The following ASAP2 variants were observed in gnomAD, a reference collection of about 807,000 sequenced individuals.
The protein encoded by ASAP2 is arf-GAP with SH3 domain, ANK repeat and PH domain-containing protein 2.
A neutral mutation model predicts 131.4 loss-of-function variants in ASAP2; 45 were observed. That is an observed-to-expected ratio of 0.34 (90% confidence interval 0.27 to 0.44). The LOEUF (loss-of-function observed/expected upper bound fraction) is 0.44, where lower values mean the gene tolerates loss of function less well. ASAP2 is among the 20% of genes least tolerant of loss of function. ASAP2 has a pLI of 1.00. For missense variants in ASAP2, 1,011 were observed against 1,297.0 expected (o/e 0.78, Z 3.39); for synonymous variants, 510 against 503.0 (o/e 1.01, Z -0.19).
intron 1 of ASAP2, among the ~76,000 whole-genome samples, chr2:9,239,849 C>T (rs903135825): frequency 6.6e-6 from 1 of 152,070 alleles, no homozygotes; most frequent in African/African-American, 2.4e-5. Flanking sequence ...ACCTCAGCCT[C>T]TTGAGTAGCT....
intron 1 of ASAP2, among the ~76,000 whole-genome samples, chr2:9,258,332 G>GTTTTTTTTTTT (rs769009726): frequency 1.8e-5 from 2 of 112,546 alleles, no homozygotes; most frequent in Admixed American, 1.7e-4. Flanking sequence ...GTAATCAGTA[G>GTTTTTTTTTTT]TTGTTTTTTT....
At chr2:9,347,954 T>G (rs948610349) in intron 11 of ASAP2, among the ~76,000 whole-genome samples, 1 of 152,232 alleles carries the variant, frequency 6.6e-6, no homozygotes, top group East Asian at 1.9e-4. Flanking sequence ...AATCTCTGCC[T>G]GCATGGCAAA....
At chr2:9,297,180 G>A (rs779703048) in intron 2 of ASAP2, 120 bp from the exon 3 acceptor site, 51 of 1,273,862 alleles carry the variant, frequency 4.0e-5, no homozygotes, top group Non-Finnish European at 4.7e-5. Context: ...GGTGCAGCTT[G>A]ACTTTTCTCA....
intron 1 of ASAP2, among the ~76,000 whole-genome samples, chr2:9,216,615 C>T (rs928063392): frequency 1.3e-5 from 2 of 151,954 alleles, no homozygotes; most frequent in African/African-American, 4.8e-5. Context: ...TGCCAACCAC[C>T]ACACCCAGCT....
At chr2:9,357,554 G>C (rs1034165209) in intron 14 of ASAP2, among the ~76,000 whole-genome samples, 2 of 152,124 alleles carry the variant, frequency 1.3e-5, no homozygotes, top group Non-Finnish European at 1.5e-5. Context: ...GTGAATCATG[G>C]TCTTTCTTGA....
At chr2:9,381,535 G>A (rs1488881447) in intron 20 of ASAP2, among the ~76,000 whole-genome samples, 4 of 152,202 alleles carry the variant, frequency 2.6e-5, no homozygotes, top group Admixed American at 6.5e-5. Flanking sequence ...CCAGGAATTC[G>A]AGATCAGCCT....
rs562245733 is a variant in ASAP2 at position 9,349,446 on chromosome 2, T to G, written c.1024-1362T>G. Among the ~76,000 whole-genome samples, 18 of 152,352 alleles carry G rather than the reference T, an allele frequency of 1.2e-4. 1 individual carries two copies. The South Asian group carries it at 2.9e-3, about 25-fold the overall frequency. On this transcript the variant is annotated intron_variant, in intron 11 of 27. Transcript: ENST00000281419. Reference sequence around the variant, plus strand: ...TCTAGAAATAGATCATTTGCTGTATTGGTTCCTGGATAAGTTAGGTAATCC... The same window carrying G: ...TCTAGAAATAGATCATTTGCTGTATGGGTTCCTGGATAAGTTAGGTAATCC...
At chr2:9,352,723 T>A (rs1426684476) in intron 12 of ASAP2, among the ~76,000 whole-genome samples, 3 of 152,214 alleles carry the variant, frequency 2.0e-5, no homozygotes, top group Non-Finnish European at 4.4e-5. Context: ...ACACACAAGC[T>A]CTGTGGCCAA....
At position 9,264,830 on chromosome 2, in the gene ASAP2, T is replaced by G. The variant is rs968357641; in HGVS notation, c.127-14487T>G. Among the ~76,000 whole-genome samples the G allele has an allele frequency of 5.3e-5, 8 of 152,142 alleles. No individual in the cohort carries two copies. The East Asian group carries it at 9.6e-4, about 18-fold the overall frequency. ...AGAAAAAATATCCAATAAAAACTAA[T>G]ACAGCAATTTAAAAAATACAAATTT... On this transcript the variant is annotated intron_variant, in intron 1 of 27. Transcript: ENST00000281419.
chr2:9,266,251 ATCCTCCTGCT>A (rs1300424471), intron 1 of ASAP2, among the ~76,000 whole-genome samples: 28 of 149,492 alleles, frequency 1.9e-4, no homozygotes, highest in Non-Finnish European at 3.2e-4. Context: ...GACTCAAGTG[ATCCTCCTGCT>A]TCAGCCTCAC....
intron 1 of ASAP2, among the ~76,000 whole-genome samples, chr2:9,266,284 C>T (rs762430699): frequency 6.6e-6 from 1 of 151,706 alleles, no homozygotes; most frequent in Non-Finnish European, 1.5e-5. Flanking sequence ...GTAACTGGGA[C>T]CACAGGCACC....
intron 26 of ASAP2, 112 bp from the exon 27 acceptor site, chr2:9,401,162 T>G: frequency 7.1e-7 from 1 of 1,399,342 alleles, no homozygotes; most frequent in Non-Finnish European, 9.8e-7. Flanking sequence ...TGCAGGCTTC[T>G]CAGGCCTAGG....
chr2:9,212,112 G>A (rs1004236114), intron 1 of ASAP2, among the ~76,000 whole-genome samples: 31 of 152,144 alleles, frequency 2.0e-4, no homozygotes, highest in African/African-American at 6.3e-4. Context: ...CACTCCTCAC[G>A]GGTTCCAGGT....
intron 1 of ASAP2, among the ~76,000 whole-genome samples, chr2:9,208,222 A>G (rs920595100): frequency 6.6e-6 from 1 of 152,104 alleles, no homozygotes; most frequent in Non-Finnish European, 1.5e-5. Context: ...TTTACAAGTC[A>G]CACGTGTGGC....
chr2:9,226,747 C>T (rs1176903656), intron 1 of ASAP2, among the ~76,000 whole-genome samples: 2 of 152,310 alleles, frequency 1.3e-5, no homozygotes, highest in Middle Eastern at 3.4e-3. Context: ...ACACGCCGTC[C>T]GTCCACTCAA....
At chr2:9,320,398 C>A in intron 5 of ASAP2, 61 bp downstream of exon 5, 1 of 1,238,260 alleles carries the variant, frequency 8.1e-7, no homozygotes, top group Non-Finnish European at 1.2e-6. Flanking sequence ...TTTAAACCAA[C>A]CTCGTATTGC....
chr2:9,233,191 G>C (rs1663285746), intron 1 of ASAP2, among the ~76,000 whole-genome samples: 1 of 152,184 alleles, frequency 6.6e-6, no homozygotes, highest in African/African-American at 2.4e-5. Flanking sequence ...TTTGGTGATA[G>C]TGATCGATGT....
intron 24 of ASAP2, among the ~76,000 whole-genome samples, chr2:9,397,661 G>C (rs193228040): frequency 6.8e-6 from 1 of 147,858 alleles, no homozygotes; most frequent in African/African-American, 2.5e-5. Flanking sequence ...TGTTTTTTAG[G>C]GCCATGAGCT....
intron 11 of ASAP2, among the ~76,000 whole-genome samples, chr2:9,347,657 C>T (rs1335941150): frequency 1.3e-5 from 2 of 152,274 alleles, no homozygotes; most frequent in East Asian, 1.9e-4. Context: ...GTTCAAAGCC[C>T]GAGTTGAATT....
Sources: gnomAD v4.1 joint callset for allele counts (sites outside exome capture counted in the v4.1 genomes callset) on GRCh38, gnomAD v4.1.1 for gene constraint, MANE v1.5 for transcripts, NCBI Gene and HGNC (gene_info 2026-07-23, HGNC 2026-07-21) for gene names.